NEBL: variants seen among roughly 807,000 people sequenced by gnomAD.
NEBL encodes the protein LIM and SH3 protein 2.
NEBL carries 122 observed loss-of-function variants against 140.2 expected under a neutral mutation model. The ratio of observed to expected loss-of-function variants is 0.87; its 90% CI spans 0.75 to 1.01. NEBL has a LOEUF of 1.01. Ranked by LOEUF, NEBL falls within the 50% of genes least tolerant of loss-of-function variation. The pLI, the probability that NEBL is intolerant of heterozygous loss-of-function variation, is 0.00. For synonymous variants in NEBL, 436 were observed against 398.9 expected (o/e 1.09, Z -1.11); for missense variants, 1,365 against 1,231.3 (o/e 1.11, Z -1.62).
At chr10:20,942,998 A>C (rs573407900) in intron 4 of NEBL, among the ~76,000 whole-genome samples, 113 of 152,338 alleles carry the variant, frequency 7.4e-4, no homozygotes, top group African/African-American at 6.5e-4. Flanking sequence ...GTGGGACTGT[A>C]AACTAGTTCA....
At chr10:20,840,986 T>A in intron 12 of NEBL, 137 bp from the exon 13 acceptor site, 1 of 651,244 alleles carries the variant, frequency 1.5e-6, no homozygotes, top group Non-Finnish European at 2.7e-6. Flanking sequence ...TAAGTATTCA[T>A]GCTTTTTTCC....
chr10:21,085,945 A>AT (rs1339191876), intron 2 of NEBL, among the ~76,000 whole-genome samples: 3 of 151,704 alleles, frequency 2.0e-5, no homozygotes, highest in African/African-American at 4.9e-5. Context: ...GGAAATCTGC[A>AT]TTTTTTTCAT....
chr10:21,113,232 T>C, intron 2 of NEBL: 1 of 302,466 alleles, frequency 3.3e-6, no homozygotes, highest in Non-Finnish European at 6.0e-6. Flanking sequence ...ACAAAAATCA[T>C]TTCCACCATG....
At chr10:21,265,985 T>G (rs1842792503) in intron 1 of NEBL, among the ~76,000 whole-genome samples, 2 of 152,196 alleles carry the variant, frequency 1.3e-5, no homozygotes, top group Admixed American at 6.5e-5. Context: ...CAGACTCTAA[T>G]CCGTCATTGG....
intron 3 of NEBL, among the ~76,000 whole-genome samples, chr10:21,192,252 C>T (rs1032987918): frequency 1.3e-5 from 2 of 151,058 alleles, no homozygotes; most frequent in Admixed American, 1.3e-4. Context: ...GGTGCAGTGG[C>T]ACGATCTCGG....
At chr10:20,834,318 T>A (rs2130927294) in intron 14 of NEBL, among the ~76,000 whole-genome samples, 1 of 152,258 alleles carries the variant, frequency 6.6e-6, no homozygotes, top group Admixed American at 6.5e-5. Context: ...ACAATGACTA[T>A]CTCTCAGGAC....
intron 2 of NEBL, among the ~76,000 whole-genome samples, chr10:21,073,499 C>G (rs1053932158): frequency 4.0e-5 from 6 of 151,396 alleles, no homozygotes; most frequent in Non-Finnish European, 7.4e-5. Context: ...CACTTGTAAT[C>G]CGAGCTACTC....
chr10:21,065,585 T>A (rs988303296), intron 2 of NEBL, among the ~76,000 whole-genome samples: 2 of 152,196 alleles, frequency 1.3e-5, no homozygotes, highest in South Asian at 4.1e-4. Context: ...TAAAACACAT[T>A]AATGTCTTAA....
At chr10:20,861,179 C>T (rs1179656505) in intron 7 of NEBL, among the ~76,000 whole-genome samples, 2 of 152,022 alleles carry the variant, frequency 1.3e-5, no homozygotes, top group East Asian at 3.9e-4. Flanking sequence ...TCTGCCTGGT[C>T]GTCCCTTAAA....
At chr10:21,253,864 G>A (rs1228782576) in intron 1 of NEBL, among the ~76,000 whole-genome samples, 1 of 152,016 alleles carries the variant, frequency 6.6e-6, no homozygotes, top group Non-Finnish European at 1.5e-5. Flanking sequence ...ACTTTTTAAG[G>A]ATGATCTCTT....
Position 20,823,289 on chromosome 10 carries a change from T to C in NEBL, c.1881A>G (p.Lys627=). 1 of 1,605,492 alleles carries C rather than the reference T, an allele frequency of 6.2e-7. No homozygotes were observed. The highest frequency in any genetic ancestry group is 8.5e-7 in the Non-Finnish European group (1 of 1,175,092). ...TGGCTGTTGCATGTTTAATCTCTTCTTTGTATTTCACCTGCATAATTTATA... is the reference window on the plus strand; with the variant it reads ...TGGCTGTTGCATGTTTAATCTCTTCCTTGTATTTCACCTGCATAATTTATA... ...NQQNISSVKY[K]EEIKHATAIS... is the part of the protein sequence containing the mutation. Residue 627 remains lysine, a synonymous_variant, in exon 19 of 28, where the codon AAA becomes AAG. Coordinates refer to ENST00000377122, the MANE Select transcript of NEBL (RefSeq NM_006393.3).
chr10:20,897,658 G>T, upstream of NEBL: 1 of 570,326 alleles, frequency 1.8e-6, no homozygotes, highest in Non-Finnish European at 2.2e-6. Context: ...TCTAAATAAA[G>T]CTTTCACTGG....
At chr10:21,241,189 G>A (rs1370511339) in intron 3 of NEBL, among the ~76,000 whole-genome samples, 6 of 151,312 alleles carry the variant, frequency 4.0e-5, no homozygotes, top group South Asian at 2.1e-4. Flanking sequence ...TATATCTCTC[G>A]AACATGGAAT....
At chr10:20,787,386 T>A (rs1323782104) in intron 26 of NEBL, 78 bp from the exon 27 acceptor site, 7 of 1,099,998 alleles carry the variant, frequency 6.4e-6, no homozygotes, top group Non-Finnish European at 9.5e-6. Context: ...CTCAGAGTGA[T>A]GTTATGCTCT....
At chr10:20,990,503 G>A (rs1837417495) in intron 3 of NEBL, among the ~76,000 whole-genome samples, 1 of 152,126 alleles carries the variant, frequency 6.6e-6, no homozygotes, top group South Asian at 2.1e-4. Context: ...ACCAGCAAGA[G>A]GGCCCTCACC....
At chr10:21,274,644 T>G (rs1842897740) in intron 1 of NEBL, among the ~76,000 whole-genome samples, 1 of 152,102 alleles carries the variant, frequency 6.6e-6, no homozygotes, top group Non-Finnish European at 1.5e-5. Context: ...CAGCCTGGTC[T>G]CGAACCCCTG....
chr10:21,010,381 A>G (rs1838289729), intron 3 of NEBL, among the ~76,000 whole-genome samples: 1 of 151,792 alleles, frequency 6.6e-6, no homozygotes, highest in South Asian at 2.1e-4. Context: ...AGTAGGTGGG[A>G]CTACAGGTGT....
intron 1 of NEBL, among the ~76,000 whole-genome samples, chr10:21,253,649 T>G (rs1476235924): frequency 6.6e-6 from 1 of 151,424 alleles, no homozygotes; most frequent in Non-Finnish European, 1.5e-5. Flanking sequence ...GTTCAAGCGC[T>G]TCTCCTGCCT....
chr10:20,933,661 G>T (rs1414199687), intron 4 of NEBL, among the ~76,000 whole-genome samples: 1 of 152,212 alleles, frequency 6.6e-6, no homozygotes. Context: ...TTGAACCTGG[G>T]AGGCAGAGGT....
Sources: gnomAD v4.1 joint callset for allele counts (sites outside exome capture counted in the v4.1 genomes callset) on GRCh38, gnomAD v4.1.1 for gene constraint, MANE v1.5 for transcripts, NCBI Gene and HGNC (gene_info 2026-07-23, HGNC 2026-07-21) for gene names.